ATP1A1: variants seen among roughly 807,000 people sequenced by gnomAD.
The protein encoded by ATP1A1 is ATPase Na+/K+ transporting subunit alpha 1, also known as sodium/potassium-transporting ATPase subunit alpha-1.
Under a neutral mutation model 114.8 loss-of-function variants are expected in ATP1A1, and 14 were observed. The observed-to-expected ratio is 0.12, with a 90% CI of 0.08 to 0.19. The LOEUF (loss-of-function observed/expected upper bound fraction) is 0.19, where lower values mean the gene tolerates loss of function less well. ATP1A1 is among the 10% of genes least tolerant of loss of function. The pLI, the probability that ATP1A1 is intolerant of heterozygous loss-of-function variation, is 1.00. For missense variants in ATP1A1, 524 were observed against 1,290.7 expected (o/e 0.41, Z 9.10); for synonymous variants, 471 against 466.3 (o/e 1.01, Z -0.13).
In ATP1A1 at chr1:116,390,221, G is replaced by A. The variant is rs1411024482; in HGVS notation, c.1032G>A (p.Leu344=). Residue 344 remains leucine, a synonymous_variant, in exon 9 of 23, where the codon CTG becomes CTA. Coordinates refer to ENST00000295598, the MANE Select transcript of ATP1A1 (RefSeq NM_000701.8). ...TTCCTAATATTTTTTAGGTCTGTCTGACACTTACTGCCAAACGCATGGCAA... is the reference window on the plus strand; with the variant it reads ...TTCCTAATATTTTTTAGGTCTGTCTAACACTTACTGCCAAACGCATGGCAA... ...EGLLATVTVC[L]TLTAKRMARK... 5 of 1,614,028 alleles carry A rather than the reference G, an allele frequency of 3.1e-6. No homozygotes were observed. In the Admixed American group the frequency reaches 8.3e-5, roughly 27 times the overall value.
chr1:116,387,229 G>C lies in ATP1A1; in HGVS notation c.184-59G>C. The C allele has an allele frequency of 6.3e-7, 1 of 1,582,652 alleles. No individual in the cohort carries two copies. The highest frequency in any genetic ancestry group is 1.1e-5 in the South Asian group (1 of 89,802). ...TTGCAACCGTCCAGCTACCAGGTAGGTATATTGCCTTGTAAGTGCTGGTAC... is the reference window on the plus strand; with the variant it reads ...TTGCAACCGTCCAGCTACCAGGTAGCTATATTGCCTTGTAAGTGCTGGTAC... On this transcript the variant is annotated intron_variant, in intron 3 of 22. Transcript: ENST00000295598. This position sits in a 1 kb window ranked among gnomAD's most constrained non-coding sequence, Gnocchi z 6.7.
Position 116,376,012 on chromosome 1 carries a change from T to C in ATP1A1, c.12+2489T>C, listed in dbSNP as rs560272605. On this transcript the variant is annotated intron_variant, in intron 1 of 22. Transcript: ENST00000295598. The stretch of plus-strand genomic sequence containing the variant: ...AATAGGATTTTGTCCCTTTTTTTCT[T>C]TCTGGGTTTTATTGCCAGTGACTTG... 4.6e-5 allele frequency among the ~76,000 whole-genome samples: 7 copies of C among 152,338 alleles called. No homozygotes were observed. In the South Asian group the frequency reaches 1.0e-3, roughly 23 times the overall value.
At chr1:116,403,350 C>T (rs1998448) in intron 21 of ATP1A1, among the ~76,000 whole-genome samples, 34,409 of 152,106 alleles carry the variant, frequency 0.23, 10,632 homozygotes, top group African/African-American at 0.71. Context: ...TGGAAGCCTT[C>T]GGGCTCAGCT....
In ATP1A1 at chr1:116,404,401, C is replaced by T. The variant is rs186073493; in HGVS notation, c.3044-15C>T. 220 of 1,613,916 alleles carry T rather than the reference C, an allele frequency of 1.4e-4. No homozygotes were observed. The African/African-American group carries it at 2.5e-3, about 19-fold the overall frequency. The stretch of plus-strand genomic sequence containing the variant: ...TCACTGTAGTGTGTCTTGTCTGTCT[C>T]TTTGCCACCCACAGGCTGGGTGGAG... On this transcript the variant is annotated splice_polypyrimidine_tract_variant and intron_variant, in intron 22 of 22. Coordinates refer to ENST00000295598, the MANE Select transcript of ATP1A1 (RefSeq NM_000701.8). This position sits in a 1 kb window ranked among gnomAD's most constrained non-coding sequence, Gnocchi z 4.8.
Position 116,389,729 on chromosome 1 carries a change from C to T in ATP1A1, c.1023+22C>T, listed in dbSNP as rs775398396. 6.2e-6 allele frequency: 10 copies of T among 1,613,078 alleles called. No homozygotes were observed. In the South Asian group the frequency reaches 9.9e-5, roughly 16 times the overall value. On this transcript the variant is annotated intron_variant, in intron 8 of 22. Transcript: ENST00000295598. This position sits in a 1 kb window ranked among gnomAD's most constrained non-coding sequence, Gnocchi z 6.9. The stretch of plus-strand genomic sequence containing the variant: ...CACGGTAAGAGGCAGGTGATGGTCA[C>T]CCTGACTCAGATCAGCTTGCACGAA...
intron 1 of ATP1A1, among the ~76,000 whole-genome samples, chr1:116,375,355 C>T (rs975384819): frequency 1.3e-5 from 2 of 152,126 alleles, no homozygotes; most frequent in Admixed American, 1.3e-4. Context: ...TCGGATGAAA[C>T]GGGGTATTTG....
intron 1 of ATP1A1, among the ~76,000 whole-genome samples, chr1:116,374,694 G>C (rs954933937): frequency 1.3e-5 from 2 of 152,192 alleles, no homozygotes; most frequent in Non-Finnish European, 2.9e-5. Flanking sequence ...CGGAGTTCAT[G>C]GGGTGAAAGT....
Position 116,404,151 on chromosome 1 carries a change from A to G in ATP1A1, c.3043+176A>G, listed in dbSNP as rs562782226. The stretch of plus-strand genomic sequence containing the variant: ...TCTTCAGAATGTAGATCTCAGTTAC[A>G]GTTTGAGGACTGGTCATGTTTTAGA... On this transcript the variant is annotated intron_variant, in intron 22 of 22. Transcript: ENST00000295598. This position sits in a 1 kb window ranked among gnomAD's most constrained non-coding sequence, Gnocchi z 4.8. 2.0e-5 allele frequency among the ~76,000 whole-genome samples: 3 copies of G among 151,610 alleles called. No individual in the cohort carries two copies. The South Asian group carries it at 6.3e-4, about 32-fold the overall frequency.
Position 116,373,379 on chromosome 1 carries a change from C to G in ATP1A1, c.-133C>G, listed in dbSNP as rs1194765456. On this transcript the variant is annotated 5_prime_UTR_variant, in exon 1 of 23. Coordinates refer to ENST00000295598, the MANE Select transcript of ATP1A1 (RefSeq NM_000701.8). ...GAGCCGCCGGCCGCCCTCCCACCCTCCCGCCCCGCGGCAGCCCTAGCTCCC... is the reference window on the plus strand; with the variant it reads ...GAGCCGCCGGCCGCCCTCCCACCCTGCCGCCCCGCGGCAGCCCTAGCTCCC... 6.5e-6 allele frequency: 3 copies of G among 464,832 alleles called. No individual in the cohort carries two copies. Among genetic ancestry groups the G allele is most frequent in the South Asian group, 3.1e-5 (1 of 32,610 alleles). The allele number at this position is 464,832 out of a possible 1,614,324, so 28.8% of individuals were successfully genotyped here. A position where few individuals can be genotyped will look rare whatever the true frequency, so the allele number is the denominator to read the frequency against.
Position 116,401,520 on chromosome 1 carries a change from C to CTTT in ATP1A1, c.2850-32_2850-30dup, listed in dbSNP as rs1557794877. On this transcript the variant is annotated intron_variant, in intron 20 of 22. Coordinates refer to ENST00000295598, the MANE Select transcript of ATP1A1 (RefSeq NM_000701.8). This position sits in a 1 kb window ranked among gnomAD's most constrained non-coding sequence, Gnocchi z 4.7. ...TTAGAAGATAAACCTTTATTTGCAC[C>CTTT]TTTTAAGTTTTTTCTCCCCTACTTT... The CTTT allele has an allele frequency of 6.2e-7, 1 of 1,602,454 alleles. No individual in the cohort carries two copies. Among genetic ancestry groups the CTTT allele is most frequent in the South Asian group, 1.1e-5 (1 of 90,702 alleles).
chr1:116,383,336 T>G, intron 1 of ATP1A1: 1 of 1,070,788 alleles, frequency 9.3e-7, no homozygotes, highest in Non-Finnish European at 1.1e-6. Context: ...TAAAGGTCAG[T>G]GTTCTTATGT....
In ATP1A1 at chr1:116,392,996, G is replaced by A. The variant is rs759545204; in HGVS notation, c.1467+8G>A. 4.3e-6 allele frequency: 7 copies of A among 1,613,900 alleles called. No homozygotes were observed. The East Asian group carries it at 1.6e-4, about 36-fold the overall frequency. Reference sequence around the variant, plus strand: ...TCCACCAACAAGTACCAGGTCTGAAGATCGATGGGTACACGGAGGGCGAGG... The same window carrying A: ...TCCACCAACAAGTACCAGGTCTGAAAATCGATGGGTACACGGAGGGCGAGG... On this transcript the variant is annotated splice_region_variant and intron_variant, in intron 11 of 22. Transcript: ENST00000295598.
chr1:116,388,483 G>A lies in ATP1A1; in HGVS notation c.502-155G>A, dbSNP rs142655984. On this transcript the variant is annotated intron_variant, in intron 5 of 22. Transcript: ENST00000295598. The surrounding 1 kb of genome is among the most constrained non-coding windows in gnomAD (Gnocchi z 5.6). ...TAACAGCAATATCTCTTAAACTGGC[G>A]AGCAAGCTTTTGTAACTTGTGTAAA... 6.8e-4 allele frequency: 791 copies of A among 1,160,040 alleles called. 4 individuals are homozygous for A. The African/African-American group carries it at 0.011, about 16-fold the overall frequency. The allele number at this position is 1,160,040 out of a possible 1,614,324, so 71.9% of individuals were successfully genotyped here. A position where few individuals can be genotyped will look rare whatever the true frequency, so the allele number is the denominator to read the frequency against.
intron 1 of ATP1A1, among the ~76,000 whole-genome samples, chr1:116,375,544 T>C (rs758992308): frequency 2.0e-5 from 3 of 152,228 alleles, no homozygotes; most frequent in Non-Finnish European, 4.4e-5. Context: ...GTATAGTGGC[T>C]AGCAAACACA....
rs1337183726 is a variant in ATP1A1 at position 116,384,679 on chromosome 1, C to T, written c.124-104C>T. On this transcript the variant is annotated intron_variant, in intron 2 of 22. Coordinates refer to ENST00000295598, the MANE Select transcript of ATP1A1 (RefSeq NM_000701.8). The surrounding 1 kb of genome is among the most constrained non-coding windows in gnomAD (Gnocchi z 5.1). ...TTATGCACTGAAGAAAACATCTGCA[C>T]TTTGTTTAATAAGCTTAATGATAGT... 2 of 1,047,960 alleles carry T rather than the reference C, an allele frequency of 1.9e-6. No individual in the cohort carries two copies. Among genetic ancestry groups the T allele is most frequent in the African/African-American group, 1.7e-5 (1 of 60,534 alleles). The allele number at this position is 1,047,960 out of a possible 1,614,324, so 64.9% of individuals were successfully genotyped here.
At chr1:116,373,563 CCT>C in intron 1 of ATP1A1, 40 bp downstream of exon 1, 1 of 1,416,272 alleles carries the variant, frequency 7.1e-7, no homozygotes, top group Non-Finnish European at 9.2e-7. Context: ...CTCGGGGAGC[CCT>C]CGAGGGGAAG....
chr1:116,394,530 C>T (rs767440691), intron 12 of ATP1A1, among the ~76,000 whole-genome samples: 3 of 152,102 alleles, frequency 2.0e-5, no homozygotes, highest in Non-Finnish European at 4.4e-5. Flanking sequence ...ATCATTGTAA[C>T]GTCATACAAC....
chr1:116,401,522 TTTAAG>T lies in ATP1A1; in HGVS notation c.2850-29_2850-25del, dbSNP rs1433323905. The T allele has an allele frequency of 1.2e-6, 2 of 1,604,634 alleles. No individual in the cohort carries two copies. Among genetic ancestry groups the T allele is most frequent in the Non-Finnish European group, 1.7e-6 (2 of 1,171,616 alleles). ...AGAAGATAAACCTTTATTTGCACCT[TTTAAG>T]TTTTTTCTCCCCTACTTTGATTTTA... On this transcript the variant is annotated intron_variant, in intron 20 of 22. Coordinates refer to ENST00000295598, the MANE Select transcript of ATP1A1 (RefSeq NM_000701.8). This position sits in a 1 kb window ranked among gnomAD's most constrained non-coding sequence, Gnocchi z 4.7.
rs755224440 is a variant in ATP1A1, at chr1:116,384,407, T to C, written c.123+283T>C. On this transcript the variant is annotated intron_variant, in intron 2 of 22. Transcript: ENST00000295598. This position sits in a 1 kb window ranked among gnomAD's most constrained non-coding sequence, Gnocchi z 5.1. Reference sequence around the variant, plus strand: ...GCTTTTCTCTGTATTATATCAAACATTGGGAAATTCAGCCTCTCCAGGCGA... The same window carrying C: ...GCTTTTCTCTGTATTATATCAAACACTGGGAAATTCAGCCTCTCCAGGCGA... Among the ~76,000 whole-genome samples the C allele has an allele frequency of 1.1e-4, 16 of 152,194 alleles. No individual in the cohort carries two copies. Among genetic ancestry groups the C allele is most frequent in the South Asian group, 2.1e-4 (1 of 4,834 alleles).
Sources: gnomAD v4.1 joint callset for allele counts (sites outside exome capture counted in the v4.1 genomes callset) on GRCh38, gnomAD v4.1.1 for gene constraint, Gnocchi (gnomAD v3.1) non-coding constraint, MANE v1.5 for transcripts, NCBI Gene and HGNC (gene_info 2026-07-23, HGNC 2026-07-21) for gene names.